PKIB: variants seen among roughly 807,000 people sequenced by gnomAD.
PKIB encodes cAMP-dependent protein kinase inhibitor beta.
Under a neutral mutation model 4.5 loss-of-function variants are expected in PKIB, and 2 were observed. The observed-to-expected ratio is 0.44, with a 90% CI of 0.18 to 1.39. The LOEUF (loss-of-function observed/expected upper bound fraction) is 1.39, where lower values mean the gene tolerates loss of function less well. Among genes scored for constraint, PKIB ranks in the 40% most tolerant of loss-of-function variants. PKIB has a pLI of 0.27. For synonymous variants in PKIB, 38 were observed against 36.0 expected, an observed-to-expected ratio of 1.06 and a Z score of -0.20; for missense variants, 94 against 92.6, an observed-to-expected ratio of 1.02 and a Z score of -0.06.
chr6:122,541,749 G>A (rs972409409), intron 2 of PKIB, among the ~76,000 whole-genome samples: 51 of 152,000 alleles, frequency 3.4e-4, no homozygotes, highest in African/African-American at 1.1e-3. Flanking sequence ...GATTGGGGAC[G>A]TTCTCCTGGA....
rs111527118 is a variant in PKIB at position 122,673,526 on chromosome 6, T to C, written c.-75-1552T>C. On this transcript the variant is annotated intron_variant, in intron 2 of 4. Coordinates refer to ENST00000368452, the MANE Select transcript of PKIB (RefSeq NM_181795.3). The stretch of plus-strand genomic sequence containing the variant: ...ATTTGGTCTGGACATATAGGACTCA[T>C]TGAAGGAAAAAGTCCCAGACAAAGA... 1.3e-3 allele frequency among the ~76,000 whole-genome samples: 194 copies of C among 152,306 alleles called. 1 individual carries two copies. Among genetic ancestry groups the C allele is most frequent in the African/African-American group, 4.5e-3 (189 of 41,582 alleles).
chr6:122,579,532 T>C (rs1412255951), intron 2 of PKIB, among the ~76,000 whole-genome samples: 3 of 152,228 alleles, frequency 2.0e-5, no homozygotes, highest in Non-Finnish European at 2.9e-5. Flanking sequence ...CAGGAATTTG[T>C]ATATTACTCA....
intron 2 of PKIB, among the ~76,000 whole-genome samples, chr6:122,636,101 C>A (rs1260392070): frequency 6.6e-6 from 1 of 152,072 alleles, no homozygotes; most frequent in Non-Finnish European, 1.5e-5. Context: ...TACTATCATT[C>A]TATTTTACAA....
chr6:122,596,355 G>T (rs1209784650), intron 3 of PKIB, among the ~76,000 whole-genome samples: 2 of 152,192 alleles, frequency 1.3e-5, no homozygotes, highest in Non-Finnish European at 2.9e-5. Context: ...GGGAGAGAAG[G>T]CAGGGTGACA....
rs1188052321 is a variant in PKIB, at chr6:122,647,267, T to C, written c.-76+13900T>C. 2.6e-5 allele frequency among the ~76,000 whole-genome samples: 4 copies of C among 152,200 alleles called. No individual in the cohort carries two copies. In the East Asian group the frequency reaches 5.8e-4, roughly 22 times the overall value. On this transcript the variant is annotated intron_variant, in intron 2 of 4. Coordinates refer to ENST00000368452, the MANE Select transcript of PKIB (RefSeq NM_181795.3). ...TGATTGAATCTGGACCACTAAGATA[T>C]TGAGGATAATCTTCTTCACTTAAAG...
chr6:122,656,345 A>G (rs1012035462), intron 2 of PKIB, among the ~76,000 whole-genome samples: 2 of 152,206 alleles, frequency 1.3e-5, no homozygotes, highest in African/African-American at 4.8e-5. Flanking sequence ...GCACACTAAG[A>G]CTTTAAGCAT....
chr6:122,519,343 T>C (rs1331690273), intron 2 of PKIB, among the ~76,000 whole-genome samples: 1 of 152,170 alleles, frequency 6.6e-6, no homozygotes, highest in Non-Finnish European at 1.5e-5. Context: ...TGATCCTATA[T>C]TATGATGAGT....
chr6:122,649,330 C>G (rs1415933811), intron 2 of PKIB, among the ~76,000 whole-genome samples: 1 of 152,210 alleles, frequency 6.6e-6, no homozygotes. Context: ...AGGAAGACTT[C>G]TCTTTAGCAC....
intron 1 of PKIB, among the ~76,000 whole-genome samples, chr6:122,619,671 G>C (rs1775143604): frequency 6.6e-6 from 1 of 152,036 alleles, no homozygotes; most frequent in African/African-American, 2.4e-5. Flanking sequence ...ATAGCATCCA[G>C]CTTTCCTAAA....
At chr6:122,636,509 A>T (rs1041253862) in intron 2 of PKIB, among the ~76,000 whole-genome samples, 1 of 152,088 alleles carries the variant, frequency 6.6e-6, no homozygotes, top group East Asian at 1.9e-4. Context: ...AGAAAATAAC[A>T]TCTATTGAGA....
chr6:122,701,029 C>T (rs1367439088), intron 3 of PKIB: 1 of 163,668 alleles, frequency 6.1e-6, no homozygotes, highest in Non-Finnish European at 1.3e-5. Flanking sequence ...CCAAATGCTC[C>T]TTCCTCTCCC....
chr6:122,639,758 A>T (rs1444930348), intron 2 of PKIB, among the ~76,000 whole-genome samples: 1 of 152,200 alleles, frequency 6.6e-6, no homozygotes, highest in Non-Finnish European at 1.5e-5. Flanking sequence ...AGGAGAAAAC[A>T]TTTTTGCTTA....
intron 2 of PKIB, chr6:122,531,190 A>G (rs958919278): frequency 6.6e-6 from 1 of 152,190 alleles, no homozygotes. Flanking sequence ...GAAAATATGT[A>G]TGTGAAATTT....
intron 2 of PKIB, among the ~76,000 whole-genome samples, chr6:122,535,548 A>G (rs968572029): frequency 6.6e-6 from 1 of 152,172 alleles, no homozygotes; most frequent in African/African-American, 2.4e-5. Context: ...TAAAAAATCT[A>G]AAAACCTTCC....
intron 3 of PKIB, chr6:122,701,297 A>G: frequency 3.1e-6 from 2 of 646,218 alleles, no homozygotes; most frequent in African/African-American, 3.6e-5. Flanking sequence ...GTACCATTAC[A>G]AGCAATGTCT....
At chr6:122,708,377 A>T (rs1437371871) in intron 3 of PKIB, among the ~76,000 whole-genome samples, 1 of 152,182 alleles carries the variant, frequency 6.6e-6, no homozygotes, top group African/African-American at 2.4e-5. Flanking sequence ...GAAGAAATCA[A>T]GAATTTCAAT....
chr6:122,642,115 A>AT (rs1293311412), intron 2 of PKIB, among the ~76,000 whole-genome samples: 2 of 152,122 alleles, frequency 1.3e-5, no homozygotes, highest in Admixed American at 6.5e-5. Context: ...TAATCAAGTA[A>AT]TTTTTTTTAC....
intron 2 of PKIB, among the ~76,000 whole-genome samples, chr6:122,581,378 TC>T (rs1456992919): frequency 6.6e-6 from 1 of 152,160 alleles, no homozygotes; most frequent in Non-Finnish European, 1.5e-5. Context: ...GACTATCCTT[TC>T]CATCTTGACT....
At chr6:122,664,707 T>C (rs1291553262) in intron 2 of PKIB, among the ~76,000 whole-genome samples, 2 of 152,190 alleles carry the variant, frequency 1.3e-5, no homozygotes, top group Non-Finnish European at 2.9e-5. Flanking sequence ...ACATTAAATA[T>C]ATTTTTGTCA....
Sources: allele counts gnomAD v4.1 joint callset (sites outside exome capture counted in the v4.1 genomes callset), GRCh38; gene constraint gnomAD v4.1.1; transcripts MANE v1.5; gene names NCBI Gene and HGNC (gene_info 2026-07-23, HGNC 2026-07-21).